The following DPYD variants were observed in gnomAD, a reference collection of about 807,000 sequenced individuals.
DPYD encodes the protein dihydropyrimidine dehydrogenase, also known as dihydropyrimidine dehydrogenase [NADP(+)].
In DPYD, 109 loss-of-function variants were observed where a neutral mutation model predicts 116.2. The observed-to-expected ratio is 0.94, with a 90% CI of 0.80 to 1.10. DPYD has a LOEUF of 1.10. Ranked by LOEUF, DPYD falls within the 50% of genes least tolerant of loss-of-function variation. The probability of loss-of-function intolerance (pLI) is 0.00; values close to 1 mark genes in which losing one functional copy is unlikely to be tolerated. For missense variants in DPYD, 1,302 were observed against 1,254.5 expected (o/e 1.04, Z -0.57); for synonymous variants, 440 against 432.0 (o/e 1.02, Z -0.23).
intron 18 of DPYD, among the ~76,000 whole-genome samples, chr1:97,287,900 A>G (rs1187701932): frequency 6.6e-6 from 1 of 152,048 alleles, no homozygotes; most frequent in Non-Finnish European, 1.5e-5. Flanking sequence ...CAAATTAGAT[A>G]AAGAGTCAAG....
At chr1:97,271,106 G>A (rs1664556965) in intron 18 of DPYD, among the ~76,000 whole-genome samples, 1 of 152,178 alleles carries the variant, frequency 6.6e-6, no homozygotes, top group African/African-American at 2.4e-5. Flanking sequence ...GCACATTGAA[G>A]GAAGCTGGGA....
intron 10 of DPYD, among the ~76,000 whole-genome samples, chr1:97,585,680 T>C (rs1654043837): frequency 6.6e-6 from 1 of 152,232 alleles, no homozygotes; most frequent in Non-Finnish European, 1.5e-5. Flanking sequence ...TTGACTAATG[T>C]GTGTTTAATA....
chr1:97,788,603 T>C (rs981346475), intron 3 of DPYD, among the ~76,000 whole-genome samples: 4 of 152,100 alleles, frequency 2.6e-5, no homozygotes, highest in Admixed American at 2.6e-4. Flanking sequence ...GCCATTGAGG[T>C]TTGGAATGGT....
chr1:97,914,303 GT>G (rs1483359307), intron 1 of DPYD, among the ~76,000 whole-genome samples: 1 of 152,092 alleles, frequency 6.6e-6, no homozygotes, highest in African/African-American at 2.4e-5. Flanking sequence ...AATGCAGTGT[GT>G]TTAGGGATGC....
intron 3 of DPYD, among the ~76,000 whole-genome samples, chr1:97,796,091 C>T (rs936573131): frequency 2.0e-5 from 3 of 151,924 alleles, no homozygotes; most frequent in African/African-American, 7.2e-5. Context: ...GGTGAATATA[C>T]TTAACCCCAT....
chr1:97,805,131 C>G (rs145807487), intron 3 of DPYD, among the ~76,000 whole-genome samples: 1 of 151,780 alleles, frequency 6.6e-6, no homozygotes, highest in African/African-American at 2.4e-5. Context: ...TGTAGGAGAC[C>G]AACTAAAAGG....
rs535108464 is a variant in DPYD at position 97,756,879 on chromosome 1, T to C, written c.234-16400A>G. 3.9e-5 allele frequency among the ~76,000 whole-genome samples: 6 copies of C among 152,304 alleles called. No homozygotes were observed. In the East Asian group the frequency reaches 1.2e-3, roughly 29 times the overall value. On this transcript the variant is annotated intron_variant, in intron 3 of 22. Coordinates refer to ENST00000370192, the MANE Select transcript of DPYD (RefSeq NM_000110.4). ...ACTTTTGCTTTTCCCTCAATAGAAA[T>C]GCGTGCTGCTCATTCCCACTCCCTA...
chr1:97,111,133 T>C (rs190470431), intron 20 of DPYD, among the ~76,000 whole-genome samples: 1 of 152,266 alleles, frequency 6.6e-6, no homozygotes, highest in East Asian at 1.9e-4. Flanking sequence ...GATATGGCTC[T>C]AGTCCAAGGC....
chr1:97,081,459 G>A (rs2101555049), intron 22 of DPYD, among the ~76,000 whole-genome samples: 1 of 151,930 alleles, frequency 6.6e-6, no homozygotes, highest in East Asian at 1.9e-4. Context: ...CAATAAATCA[G>A]GCTTTTGAGA....
At chr1:97,718,975 T>C (rs949248220) in intron 5 of DPYD, among the ~76,000 whole-genome samples, 3 of 151,698 alleles carry the variant, frequency 2.0e-5, no homozygotes, top group African/African-American at 4.8e-5. Flanking sequence ...ATTGAAACAA[T>C]GTCATGATAG....
chr1:97,290,436 T>C (rs544661658), intron 18 of DPYD, among the ~76,000 whole-genome samples: 1 of 152,168 alleles, frequency 6.6e-6, no homozygotes, highest in East Asian at 1.9e-4. Context: ...CTTCAAACTA[T>C]ACTACAAGGC....
chr1:97,364,835 A>C (rs1405188255), intron 16 of DPYD, among the ~76,000 whole-genome samples: 1 of 152,146 alleles, frequency 6.6e-6, no homozygotes, highest in Non-Finnish European at 1.5e-5. Context: ...TAATTTTAAT[A>C]ACTTTATTTT....
intron 3 of DPYD, among the ~76,000 whole-genome samples, chr1:97,799,666 T>C (rs1348416061): frequency 6.6e-6 from 1 of 151,964 alleles, no homozygotes; most frequent in Non-Finnish European, 1.5e-5. Context: ...TTTAATCCAT[T>C]TTCTTAAAAA....
intron 12 of DPYD, among the ~76,000 whole-genome samples, chr1:97,520,529 A>T (rs538517619): frequency 6.6e-6 from 1 of 152,150 alleles, no homozygotes; most frequent in South Asian, 2.1e-4. Context: ...CATGTGCACA[A>T]TGTGCAGGTT....
chr1:97,640,899 C>T (rs1657853034), intron 8 of DPYD, among the ~76,000 whole-genome samples: 1 of 152,128 alleles, frequency 6.6e-6, no homozygotes, highest in Non-Finnish European at 1.5e-5. Context: ...GCTTGAGGCA[C>T]CAAGATATGA....
chr1:97,433,149 T>A (rs1382674125), intron 14 of DPYD, among the ~76,000 whole-genome samples: 1 of 152,140 alleles, frequency 6.6e-6, no homozygotes, highest in South Asian at 2.1e-4. Context: ...ACTGGGGGGA[T>A]TTCTCTCAAG....
chr1:97,920,415 G>A (rs909807237), intron 1 of DPYD, among the ~76,000 whole-genome samples: 3 of 152,140 alleles, frequency 2.0e-5, no homozygotes, highest in African/African-American at 4.8e-5. Flanking sequence ...CTGACACACA[G>A]ATGTTTTATT....
chr1:97,746,660 A>T (rs1664573928), intron 3 of DPYD, among the ~76,000 whole-genome samples: 1 of 152,150 alleles, frequency 6.6e-6, no homozygotes, highest in Non-Finnish European at 1.5e-5. Context: ...TGGAAATTGT[A>T]TACATTAATA....
At chr1:97,117,491 C>A (rs1345554889) in intron 20 of DPYD, among the ~76,000 whole-genome samples, 2 of 152,148 alleles carry the variant, frequency 1.3e-5, no homozygotes, top group Non-Finnish European at 2.9e-5. Flanking sequence ...AACCTATTTC[C>A]TAAGGTTTAC....
Sources: gnomAD v4.1 joint callset for allele counts (sites outside exome capture counted in the v4.1 genomes callset) on GRCh38, gnomAD v4.1.1 for gene constraint, MANE v1.5 for transcripts, NCBI Gene and HGNC (gene_info 2026-07-23, HGNC 2026-07-21) for gene names.